The following DOCK7 variants were observed in gnomAD, a reference collection of about 807,000 sequenced individuals.
DOCK7 encodes dedicator of cytokinesis 7.
DOCK7 carries 138 observed loss-of-function variants against 271.0 expected under a neutral mutation model. The observed-to-expected ratio is 0.51, with a 90% CI of 0.44 to 0.59. The LOEUF (loss-of-function observed/expected upper bound fraction) is 0.59, where lower values mean the gene tolerates loss of function less well. DOCK7 is among the 20% of genes least tolerant of loss of function. The probability of loss-of-function intolerance (pLI) is 0.00; values close to 1 mark genes in which losing one functional copy is unlikely to be tolerated. For synonymous variants in DOCK7, 823 were observed against 876.1 expected, an observed-to-expected ratio of 0.94 and a Z score of 1.07; for missense variants, 2,066 against 2,592.4, an observed-to-expected ratio of 0.80 and a Z score of 4.41.
intron 14 of DOCK7, among the ~76,000 whole-genome samples, chr1:62,599,166 A>G (rs375843281): frequency 2.6e-5 from 4 of 152,218 alleles, no homozygotes; most frequent in African/African-American, 9.6e-5. Flanking sequence ...AAACCACACA[A>G]TAGCTTTCCA....
chr1:62,686,974 C>T (rs1322011073), intron 1 of DOCK7, among the ~76,000 whole-genome samples: 1 of 152,074 alleles, frequency 6.6e-6, no homozygotes, highest in African/African-American at 2.4e-5. Context: ...GTGGGGGGGA[C>T]TCGCTATGTT....
chr1:62,510,928 G>T, intron 33 of DOCK7: 1 of 363,058 alleles, frequency 2.8e-6, no homozygotes, highest in Non-Finnish European at 5.0e-6. Context: ...TTCTAACATT[G>T]GTTTGCTTAA....
At chr1:62,680,189 A>G (rs372648714) in intron 1 of DOCK7, among the ~76,000 whole-genome samples, 31 of 152,160 alleles carry the variant, frequency 2.0e-4, no homozygotes, top group African/African-American at 5.1e-4. Flanking sequence ...CCAAAACAGA[A>G]ATATAGACCA....
intron 7 of DOCK7, among the ~76,000 whole-genome samples, chr1:62,643,891 A>T (rs1656332593): frequency 6.6e-6 from 1 of 152,052 alleles, no homozygotes; most frequent in Admixed American, 6.5e-5. Flanking sequence ...ATCTAAATGG[A>T]TTTATAATTT....
intron 11 of DOCK7, chr1:62,628,933 T>C (rs1198497791): frequency 6.6e-6 from 1 of 152,182 alleles, no homozygotes; most frequent in African/African-American, 2.4e-5. Flanking sequence ...AGGTTAAAAA[T>C]ACCTATTACT....
chr1:62,555,676 A>G (rs1231103324), intron 21 of DOCK7, 149 bp downstream of exon 21: 2 of 777,882 alleles, frequency 2.6e-6, no homozygotes, highest in Non-Finnish European at 3.8e-6. Context: ...TAACTTCAGC[A>G]CCTAGCACAG....
intron 48 of DOCK7, among the ~76,000 whole-genome samples, chr1:62,467,394 T>C (rs2149244370): frequency 6.6e-6 from 1 of 152,286 alleles, no homozygotes; most frequent in African/African-American, 2.4e-5. Context: ...AGATGAATGC[T>C]TCTGAACCAC....
intron 18 of DOCK7, among the ~76,000 whole-genome samples, chr1:62,567,411 A>G (rs1646556250): frequency 6.6e-6 from 1 of 152,104 alleles, no homozygotes. Context: ...CATGGATGAA[A>G]CTGGAAACCA....
chr1:62,631,633 T>A (rs1654638578), intron 10 of DOCK7, among the ~76,000 whole-genome samples: 1 of 152,230 alleles, frequency 6.6e-6, no homozygotes. Context: ...AATTTCTATT[T>A]GTGATTATGT....
At chr1:62,644,895 G>C (rs999564451) in intron 7 of DOCK7, among the ~76,000 whole-genome samples, 3 of 152,084 alleles carry the variant, frequency 2.0e-5, no homozygotes, top group Admixed American at 6.5e-5. Flanking sequence ...ACAAACAAAA[G>C]TTAAATAGTT....
chr1:62,480,904 G>A (rs1646102601), intron 43 of DOCK7, among the ~76,000 whole-genome samples: 1 of 151,522 alleles, frequency 6.6e-6, no homozygotes, highest in Admixed American at 6.6e-5. Context: ...AGCTGCTCGG[G>A]AGGCTGAGGC....
chr1:62,604,723 G>C (rs1477295517), intron 14 of DOCK7: 1 of 1,613,200 alleles, frequency 6.2e-7, no homozygotes, highest in Non-Finnish European at 8.5e-7. Context: ...GAGAGGAGAA[G>C]AGGATTATCT....
In DOCK7 at chr1:62,539,644, A is replaced by G. The variant is rs375560233; in HGVS notation, c.3201T>C (p.Val1067=). The stretch of plus-strand genomic sequence containing the variant: ...ATGCAAGGCTTGTATTGAGTCTCTC[A>G]ACCATTTCTGTGTCCTGTGAAACAG... ...VSRFQKDTEM[V]ERLNTSLAFF... The change falls in exon 27 of 50, where the codon GTT becomes GTC. Residue 1067 remains valine (V), a synonymous_variant. Transcript: ENST00000635253. 1.9e-6 allele frequency: 3 copies of G among 1,613,746 alleles called. No homozygotes were observed. The highest frequency in any genetic ancestry group is 1.1e-5 in the South Asian group (1 of 90,942).
intron 1 of DOCK7, among the ~76,000 whole-genome samples, chr1:62,680,978 G>A (rs1293527700): frequency 2.6e-5 from 4 of 152,140 alleles, no homozygotes; most frequent in African/African-American, 7.2e-5. Context: ...ACAGTGTGGC[G>A]ATTCCTCAAG....
intron 18 of DOCK7, among the ~76,000 whole-genome samples, chr1:62,571,901 G>T (rs556892826): frequency 1.1e-4 from 17 of 152,106 alleles, no homozygotes; most frequent in Non-Finnish European, 2.2e-4. Context: ...GGGGCCTGTC[G>T]TTGGGGGGAG....
chr1:62,490,767 G>C lies in DOCK7; in HGVS notation c.5362-1702C>G, dbSNP rs539024551. Reference sequence around the variant, plus strand: ...AAAATCACACATATACAAACACACAGAGTTATGTTAATTAAAATATTCCTC... The same window carrying C: ...AAAATCACACATATACAAACACACACAGTTATGTTAATTAAAATATTCCTC... On this transcript the variant is annotated intron_variant, in intron 41 of 49. Transcript: ENST00000635253. Among the ~76,000 whole-genome samples, 4 of 152,236 alleles carry C rather than the reference G, an allele frequency of 2.6e-5. No individual in the cohort carries two copies. In the East Asian group the frequency reaches 7.7e-4, roughly 29 times the overall value.
rs868183412 is a variant in DOCK7, at chr1:62,688,255, G to A, written c.10C>T (p.Arg4Cys). The A allele has an allele frequency of 1.5e-6, 2 of 1,362,874 alleles. No individual in the cohort carries two copies. The highest frequency in any genetic ancestry group is 9.6e-7 in the Non-Finnish European group (1 of 1,043,970). The allele number at this position is 1,362,874 out of a possible 1,614,324, so 84.4% of individuals were successfully genotyped here. The change falls in exon 1 of 50, where the codon CGC becomes TGC. Residue 4 changes from arginine (R) to cysteine (C), a missense_variant. By Grantham distance (180) the Arg-to-Cys change is radical (BLOSUM62 -3). Around this residue, in one of 2 missense-constraint regions of DOCK7, gnomAD observed 1,414 missense variants for 1,670.4 expected, o/e 0.85. Transcript: ENST00000635253. Reference protein sequence around the residue: MAERRAFAQKISRT... With the variant: MAECRAFAQKISRT... ...CTGATCTTCTGGGCGAAGGCGCGGC[G>A]CTCGGCCATGGCTGCTGCGGCGACG...
rs1645156925 is a variant in DOCK7 at position 62,530,968 on chromosome 1, AGTGGGTATAGGGAGGGTCG to A, written c.3612-1541_3612-1523del. ...CAATAATGTTTCCCTTTTACTGACT[AGTGGGTATAGGGAGGGTCG>A]GTGGGTGGAAAGTATACATTTAAAC... On this transcript the variant is annotated intron_variant, in intron 29 of 49. Transcript: ENST00000635253. 2.0e-5 allele frequency: 3 copies of A among 152,318 alleles called. No individual in the cohort carries two copies. In the South Asian group the frequency reaches 6.2e-4, roughly 32 times the overall value. 9.4% of individuals were successfully genotyped at this position (152,318 alleles called of 1,614,324 possible).
At chr1:62,625,227 C>A in intron 12 of DOCK7, 32 bp downstream of exon 12, 3 of 1,605,964 alleles carry the variant, frequency 1.9e-6, no homozygotes, top group Non-Finnish European at 2.6e-6. Flanking sequence ...GCACAAACAT[C>A]TCCCCAAAAT....
Sources: gnomAD v4.1 joint callset for allele counts (sites outside exome capture counted in the v4.1 genomes callset) on GRCh38, gnomAD v4.1.1 for gene constraint, gnomAD v4.1.1 regional missense constraint, MANE v1.5 for transcripts, NCBI Gene and HGNC (gene_info 2026-07-23, HGNC 2026-07-21) for gene names.